SNX31: variants seen among roughly 807,000 people sequenced by gnomAD.
SNX31 encodes the protein sorting nexin-31.
SNX31 carries 58 observed loss-of-function variants against 65.4 expected under a neutral mutation model. The observed-to-expected ratio is 0.89, with a 90% CI of 0.72 to 1.10. The LOEUF is 1.10. SNX31 is among the 50% of genes least tolerant of loss of function. The pLI is 0.00. For missense variants in SNX31, 523 were observed against 529.7 expected, an observed-to-expected ratio of 0.99 and a Z score of 0.12; for synonymous variants, 181 against 190.1, an observed-to-expected ratio of 0.95 and a Z score of 0.39.
At chr8:100,623,290 C>G (rs1024504148) in intron 4 of SNX31, among the ~76,000 whole-genome samples, 1 of 152,170 alleles carries the variant, frequency 6.6e-6, no homozygotes, top group African/African-American at 2.4e-5. Context: ...GTCATGAGAA[C>G]AGCAACAAGG....
rs1426677396 is a variant in SNX31, at chr8:100,588,928, C to CT, written c.1029dup (p.Glu344ArgfsTer8). ...TCCTCACTGTATTGAAATCTGAGCTCTAAGTTCTGGTTGAGAGTTCTCTGG... is the reference window on the plus strand; with the variant it reads ...TCCTCACTGTATTGAAATCTGAGCTCTTAAGTTCTGGTTGAGAGTTCTCTGG... On this transcript the variant is annotated frameshift_variant, in exon 11 of 14. Coordinates refer to ENST00000311812, the MANE Select transcript of SNX31 (RefSeq NM_152628.4). LOFTEE classifies it high-confidence loss of function. This position sits in a 1 kb window ranked among gnomAD's most constrained non-coding sequence, Gnocchi z 4.8. 1.2e-6 allele frequency: 2 copies of CT among 1,613,894 alleles called. No homozygotes were observed. The highest frequency in any genetic ancestry group is 1.7e-6 in the Non-Finnish European group (2 of 1,179,988).
At chr8:100,583,112 C>CT (rs113433451) in intron 12 of SNX31, among the ~76,000 whole-genome samples, 7,071 of 144,290 alleles carry the variant, frequency 0.049, 517 homozygotes, top group African/African-American at 0.16. Flanking sequence ...TTCTTTCTTT[C>CT]TTTTTTTTTT....
intron 3 of SNX31, among the ~76,000 whole-genome samples, chr8:100,634,654 C>T (rs1818626047): frequency 6.6e-6 from 1 of 151,596 alleles, no homozygotes; most frequent in South Asian, 2.1e-4. Context: ...GAGGGTGAGG[C>T]AGGAGAATTG....
intron 10 of SNX31, among the ~76,000 whole-genome samples, chr8:100,596,118 C>T (rs761513663): frequency 4.6e-5 from 7 of 152,144 alleles, no homozygotes; most frequent in Non-Finnish European, 1.0e-4. Flanking sequence ...AAGAGGATAA[C>T]ACCACTTAGC....
At position 100,576,445 on chromosome 8, in the gene SNX31, G is replaced by A. The variant is rs976084966; in HGVS notation, c.1227+574C>T. On this transcript the variant is annotated intron_variant, in intron 13 of 13. Coordinates refer to ENST00000311812, the MANE Select transcript of SNX31 (RefSeq NM_152628.4). This position sits in a 1 kb window ranked among gnomAD's most constrained non-coding sequence, Gnocchi z 4.8. ...GCTTCTTTCCATCTTTGACTGCTGT[G>A]CAACCTTGGGCAGGTCACAAAACCT... 1.1e-4 allele frequency among the ~76,000 whole-genome samples: 17 copies of A among 152,138 alleles called. No individual in the cohort carries two copies. Among genetic ancestry groups the A allele is most frequent in the African/African-American group, 3.6e-4 (15 of 41,424 alleles).
intron 2 of SNX31, among the ~76,000 whole-genome samples, chr8:100,645,634 C>T (rs183171155): frequency 0.012 from 1,207 of 102,316 alleles, 22 homozygotes; most frequent in African/African-American, 0.047. Context: ...TTTTTTGAGA[C>T]AAGGTCTCAC....
chr8:100,649,720 C>G (rs963764120), upstream of SNX31: 2 of 473,094 alleles, frequency 4.2e-6, no homozygotes, highest in Non-Finnish European at 7.4e-6. Flanking sequence ...CCCATCCAGC[C>G]CCGCCGCTCT....
chr8:100,578,367 G>A lies in SNX31; in HGVS notation c.1171-1292C>T, dbSNP rs190480415. On this transcript the variant is annotated intron_variant, in intron 12 of 13. Transcript: ENST00000311812. This position sits in a 1 kb window ranked among gnomAD's most constrained non-coding sequence, Gnocchi z 4.7. ...AATTGTCAACGTCTCTGTATTAATC[G>A]CCTTTCTCCTCCAACATATTAGCTC... Among the ~76,000 whole-genome samples the A allele has an allele frequency of 5.3e-5, 8 of 152,256 alleles. No homozygotes were observed. The highest frequency in any genetic ancestry group is 4.8e-5 in the African/African-American group (2 of 41,552).
chr8:100,649,425 C>A, intron 1 of SNX31, 24 bp downstream of exon 1: 1 of 1,589,102 alleles, frequency 6.3e-7, no homozygotes, highest in Non-Finnish European at 8.6e-7. Flanking sequence ...TCCCTGCCCA[C>A]CCTGACCCCA....
intron 2 of SNX31, among the ~76,000 whole-genome samples, chr8:100,638,270 C>T (rs1679832321): frequency 6.6e-6 from 1 of 152,224 alleles, no homozygotes; most frequent in Admixed American, 6.5e-5. Context: ...ACTGTGCCAT[C>T]TAATATGGTT....
At chr8:100,589,639 A>T (rs1814392084) in intron 10 of SNX31, among the ~76,000 whole-genome samples, 2 of 152,210 alleles carry the variant, frequency 1.3e-5, no homozygotes, top group South Asian at 4.1e-4. Flanking sequence ...TAGCAAGTGC[A>T]AATGTCCTGA....
chr8:100,637,489 A>C (rs1051276440), intron 2 of SNX31, among the ~76,000 whole-genome samples: 1 of 152,168 alleles, frequency 6.6e-6, no homozygotes, highest in Non-Finnish European at 1.5e-5. Flanking sequence ...TATCTGACAA[A>C]TATTTACCTT....
chr8:100,592,919 C>T (rs531953933), intron 10 of SNX31, among the ~76,000 whole-genome samples: 46 of 152,206 alleles, frequency 3.0e-4, no homozygotes, highest in African/African-American at 9.4e-4. Context: ...TTAGCTCAAG[C>T]GGTTACCTCC....
rs989715890 is a variant in SNX31 at position 100,648,071 on chromosome 8, G to A, written c.141+1203C>T. ...ACAACTGTTCTTGGTTGACTCCAAA[G>A]ATACTTAATCACACCTTGAAAATGG... On this transcript the variant is annotated intron_variant, in intron 2 of 13. Transcript: ENST00000311812. This position sits in a 1 kb window ranked among gnomAD's most constrained non-coding sequence, Gnocchi z 4.3. 6.6e-5 allele frequency among the ~76,000 whole-genome samples: 10 copies of A among 152,192 alleles called. No homozygotes were observed. The highest frequency in any genetic ancestry group is 2.4e-4 in the African/African-American group (10 of 41,438).
intron 4 of SNX31, among the ~76,000 whole-genome samples, chr8:100,627,135 C>T (rs1419359518): frequency 6.6e-6 from 1 of 152,170 alleles, no homozygotes; most frequent in Admixed American, 6.5e-5. Context: ...GGGAAGATCA[C>T]AAGGTCAGGA....
At chr8:100,589,137 C>T (rs998830910) in intron 10 of SNX31, among the ~76,000 whole-genome samples, 158 bp from the exon 11 acceptor site, 1 of 152,082 alleles carries the variant, frequency 6.6e-6, no homozygotes, top group African/African-American at 2.4e-5. Context: ...CCCATCTCTA[C>T]TAAAAATACA....
chr8:100,640,215 C>T (rs370439976), intron 2 of SNX31, among the ~76,000 whole-genome samples: 47 of 152,192 alleles, frequency 3.1e-4, no homozygotes, highest in African/African-American at 1.1e-3. Flanking sequence ...GCAACCTCTG[C>T]CTCCTGGGTT....
intron 9 of SNX31, among the ~76,000 whole-genome samples, chr8:100,599,235 T>G (rs1305988440): frequency 6.6e-6 from 1 of 152,200 alleles, no homozygotes; most frequent in Non-Finnish European, 1.5e-5. Context: ...AAGATAAAAT[T>G]TATTTTGTGG....
At chr8:100,620,572 A>AT (rs779623781) in intron 4 of SNX31, among the ~76,000 whole-genome samples, 3 of 152,212 alleles carry the variant, frequency 2.0e-5, no homozygotes, top group South Asian at 4.1e-4. Flanking sequence ...AAAAAGCACT[A>AT]TATTTGTGTG....
Sources: allele counts gnomAD v4.1 joint callset (sites outside exome capture counted in the v4.1 genomes callset), GRCh38; gene constraint gnomAD v4.1.1; non-coding constraint Gnocchi (gnomAD v3.1); transcripts MANE v1.5; gene names NCBI Gene and HGNC (gene_info 2026-07-23, HGNC 2026-07-21).